Variants in CDC42BPA observed in about 807,000 individuals in gnomAD.
CDC42BPA encodes the protein CDC42 binding protein kinase alpha.
Under a neutral mutation model 223.5 loss-of-function variants are expected in CDC42BPA, and 80 were observed. The ratio of observed to expected loss-of-function variants is 0.36; its 90% CI spans 0.30 to 0.43. The LOEUF (loss-of-function observed/expected upper bound fraction) is 0.43, where lower values mean the gene tolerates loss of function less well. Among genes scored for constraint, CDC42BPA ranks in the 20% least tolerant of loss-of-function variants. The pLI, the probability that CDC42BPA is intolerant of heterozygous loss-of-function variation, is 1.00. For missense variants in CDC42BPA, 1,743 were observed against 2,099.9 expected (o/e 0.83, Z 3.32); for synonymous variants, 694 against 718.6 (o/e 0.97, Z 0.55).
At chr1:227,268,498 A>G (rs570290488) in intron 1 of CDC42BPA, among the ~76,000 whole-genome samples, 3 of 151,622 alleles carry the variant, frequency 2.0e-5, no homozygotes, top group Non-Finnish European at 4.4e-5. Flanking sequence ...GGAGACAGAC[A>G]TACCCATTAA....
intron 1 of CDC42BPA, among the ~76,000 whole-genome samples, chr1:227,306,597 G>A (rs967447405): frequency 1.3e-5 from 2 of 152,180 alleles, no homozygotes; most frequent in Non-Finnish European, 2.9e-5. Flanking sequence ...TATTATTGTA[G>A]TTTTAACCAT....
chr1:227,097,369 T>C (rs1160150565), intron 15 of CDC42BPA, among the ~76,000 whole-genome samples: 2 of 152,188 alleles, frequency 1.3e-5, no homozygotes, highest in African/African-American at 2.4e-5. Context: ...TTAGTCCTTA[T>C]CTCATTTGAT....
chr1:227,202,225 G>A (rs951981048), intron 3 of CDC42BPA, among the ~76,000 whole-genome samples: 6 of 152,058 alleles, frequency 3.9e-5, no homozygotes, highest in African/African-American at 9.7e-5. Flanking sequence ...CTCGTGATCC[G>A]CCCACCTTGG....
intron 30 of CDC42BPA, among the ~76,000 whole-genome samples, chr1:227,026,997 T>C (rs946406754): frequency 1.3e-5 from 2 of 152,190 alleles, no homozygotes; most frequent in African/African-American, 4.8e-5. Flanking sequence ...CTCGCTATGT[T>C]GCCCAAGTTG....
intron 2 of CDC42BPA, among the ~76,000 whole-genome samples, chr1:227,241,679 G>C (rs189541013): frequency 1.4e-4 from 22 of 152,208 alleles, no homozygotes; most frequent in Admixed American, 1.4e-3. Flanking sequence ...AAGCTGTGGG[G>C]AACCAACGAG....
chr1:227,251,073 T>A lies in CDC42BPA; in HGVS notation c.270+2991A>T, dbSNP rs1231454712. ...GTCTCTAAATATTAAAAAGAACTAT[T>A]AAAGGGAATTTTTAAGTCAAAAGGA... is the stretch of plus-strand genomic sequence containing the variant. On this transcript the variant is annotated intron_variant, in intron 2 of 36. Transcript: ENST00000366766. Among the ~76,000 whole-genome samples the A allele has an allele frequency of 2.6e-5, 4 of 152,020 alleles. No homozygotes were observed. In the East Asian group the frequency reaches 7.7e-4, roughly 29 times the overall value.
chr1:227,165,054 C>CA (rs5781475), intron 5 of CDC42BPA, among the ~76,000 whole-genome samples: 103,813 of 151,976 alleles, frequency 0.68, 35,639 homozygotes, highest in South Asian at 0.73. Flanking sequence ...CAGCATGCAA[C>CA]AGCACTGAAT....
At chr1:227,089,560 T>C (rs1682656688) in intron 16 of CDC42BPA, among the ~76,000 whole-genome samples, 1 of 151,920 alleles carries the variant, frequency 6.6e-6, no homozygotes, top group Non-Finnish European at 1.5e-5. Flanking sequence ...ACCTACCATA[T>C]GAATTTGCTC....
chr1:227,139,784 A>G (rs769001540), intron 9 of CDC42BPA, 42 bp from the exon 10 acceptor site: 15 of 1,281,136 alleles, frequency 1.2e-5, no homozygotes, highest in Non-Finnish European at 1.5e-5. Context: ...ACTGTGATAA[A>G]AAGCTTGAAG....
At chr1:227,267,860 G>C (rs958708401) in intron 1 of CDC42BPA, among the ~76,000 whole-genome samples, 1 of 152,050 alleles carries the variant, frequency 6.6e-6, no homozygotes, top group Non-Finnish European at 1.5e-5. Flanking sequence ...CCCTCAATAC[G>C]AGGGGGTAAC....
intron 3 of CDC42BPA, 50 bp downstream of exon 3, chr1:227,213,086 T>G (rs757274367): frequency 1.2e-5 from 11 of 955,392 alleles, no homozygotes; most frequent in African/African-American, 3.4e-5. Context: ...TTATAATTCC[T>G]GAAAAATATT....
At chr1:227,310,893 A>G (rs531388763) in intron 1 of CDC42BPA, among the ~76,000 whole-genome samples, 57 of 151,406 alleles carry the variant, frequency 3.8e-4, no homozygotes, top group Admixed American at 1.6e-3. Context: ...CGGTTTCACC[A>G]TGTTAGCCAG....
At chr1:227,256,686 C>A (rs1272727356) in intron 1 of CDC42BPA, among the ~76,000 whole-genome samples, 3 of 152,032 alleles carry the variant, frequency 2.0e-5, no homozygotes, top group African/African-American at 7.2e-5. Flanking sequence ...CTGGAACCCT[C>A]ATTCATTGCT....
intron 5 of CDC42BPA, among the ~76,000 whole-genome samples, chr1:227,164,093 G>A (rs1169542350): frequency 1.3e-5 from 2 of 151,968 alleles, no homozygotes; most frequent in Admixed American, 6.6e-5. Context: ...CAGTGAAAGG[G>A]AGCCTATTAA....
At chr1:227,148,129 A>G (rs1176170016) in intron 6 of CDC42BPA, among the ~76,000 whole-genome samples, 1 of 152,180 alleles carries the variant, frequency 6.6e-6, no homozygotes, top group Admixed American at 6.5e-5. Flanking sequence ...AAAGTTGAGT[A>G]CTTGTTATAG....
chr1:227,198,939 G>A (rs934764786), intron 4 of CDC42BPA, among the ~76,000 whole-genome samples: 1 of 151,928 alleles, frequency 6.6e-6, no homozygotes, highest in Non-Finnish European at 1.5e-5. Context: ...TAGTAGAGAC[G>A]GGGTTTCACC....
intron 14 of CDC42BPA, among the ~76,000 whole-genome samples, chr1:227,108,288 C>G (rs1456043696): frequency 6.6e-6 from 1 of 152,056 alleles, no homozygotes; most frequent in Non-Finnish European, 1.5e-5. Context: ...TCTGTAAGTT[C>G]TGGTGTATTG....
At chr1:227,309,203 CAAAAA>C (rs35336462) in intron 1 of CDC42BPA, among the ~76,000 whole-genome samples, 4 of 130,034 alleles carry the variant, frequency 3.1e-5, no homozygotes, top group Non-Finnish European at 3.2e-5. Flanking sequence ...CTATCTCTAC[CAAAAA>C]AAAAAAAAAA....
rs183007205 is a variant in CDC42BPA, at chr1:227,142,241, T to C, written c.1223+704A>G. Among the ~76,000 whole-genome samples, 417 of 152,242 alleles carry C rather than the reference T, an allele frequency of 2.7e-3. 3 individuals carry two copies. The highest frequency in any genetic ancestry group is 4.0e-3 in the Non-Finnish European group (274 of 68,008). On this transcript the variant is annotated intron_variant, in intron 9 of 36. Transcript: ENST00000366766. ...AACTGAAATGGCATACAAGGAGTGA[T>C]TATAATCATTCTCAATGGAATTTAA... is the stretch of plus-strand genomic sequence containing the variant.
Sources: allele counts gnomAD v4.1 joint callset (sites outside exome capture counted in the v4.1 genomes callset), GRCh38; gene constraint gnomAD v4.1.1; transcripts MANE v1.5; gene names NCBI Gene and HGNC (gene_info 2026-07-23, HGNC 2026-07-21).